The following SLIT3 variants were observed in gnomAD, a reference collection of about 807,000 sequenced individuals.
SLIT3 encodes the protein slit homolog 3 protein.
A neutral mutation model predicts 184.0 loss-of-function variants in SLIT3; 68 were observed. The observed-to-expected ratio is 0.37, with a 90% CI of 0.30 to 0.45. The LOEUF (loss-of-function observed/expected upper bound fraction) is 0.45. Ranked by LOEUF, SLIT3 falls within the 20% of genes least tolerant of loss-of-function variation. The pLI, the probability that SLIT3 is intolerant of heterozygous loss-of-function variation, is 1.00. For missense variants in SLIT3, 1,707 were observed against 2,026.0 expected, an observed-to-expected ratio of 0.84 and a Z score of 3.02; for synonymous variants, 831 against 828.6, an observed-to-expected ratio of 1.00 and a Z score of -0.05.
chr5:168,694,560 GCAGT>G (rs777081520), intron 28 of SLIT3, among the ~76,000 whole-genome samples: 12 of 152,170 alleles, frequency 7.9e-5, no homozygotes, highest in South Asian at 2.1e-4. Context: ...TAACCCCTCA[GCAGT>G]CAGTCAGTCA....
chr5:169,272,081 G>A (rs1349973764), intron 1 of SLIT3, among the ~76,000 whole-genome samples: 6 of 152,242 alleles, frequency 3.9e-5, no homozygotes, highest in African/African-American at 9.6e-5. Flanking sequence ...TGAGCTATAG[G>A]AGGCCCATGG....
intron 23 of SLIT3, chr5:168,720,781 T>C (rs1413266730): frequency 6.6e-6 from 1 of 152,226 alleles, no homozygotes; most frequent in Admixed American, 6.5e-5. Context: ...CCCCAGAGAA[T>C]TGATTTTTAA....
At chr5:169,137,468 C>G (rs1373432232) in intron 4 of SLIT3, among the ~76,000 whole-genome samples, 1 of 151,982 alleles carries the variant, frequency 6.6e-6, no homozygotes, top group Non-Finnish European at 1.5e-5. Flanking sequence ...CCTATCAATG[C>G]AAATCTCTCC....
chr5:169,060,790 A>G (rs1450673656), intron 4 of SLIT3, among the ~76,000 whole-genome samples: 1 of 152,246 alleles, frequency 6.6e-6, no homozygotes, highest in African/African-American at 2.4e-5. Context: ...AGCAGTGTCC[A>G]TACCGGGTCT....
intron 23 of SLIT3, among the ~76,000 whole-genome samples, chr5:168,717,535 T>A (rs2113350385): frequency 6.6e-6 from 1 of 152,292 alleles, no homozygotes; most frequent in African/African-American, 2.4e-5. Context: ...AACAATTGTG[T>A]CTCATTCACT....
chr5:169,100,648 C>A (rs1228738651), intron 4 of SLIT3, among the ~76,000 whole-genome samples: 1 of 152,148 alleles, frequency 6.6e-6, no homozygotes, highest in African/African-American at 2.4e-5. Context: ...TGATCTGTAA[C>A]CTTACTGTAA....
intron 4 of SLIT3, among the ~76,000 whole-genome samples, chr5:168,974,928 T>A (rs1349079393): frequency 6.6e-6 from 1 of 152,194 alleles, no homozygotes; most frequent in Non-Finnish European, 1.5e-5. Flanking sequence ...GTGGTCCTTC[T>A]AGAAACCCTG....
chr5:168,835,733 CT>C (rs1282860882), intron 6 of SLIT3, among the ~76,000 whole-genome samples: 1 of 151,410 alleles, frequency 6.6e-6, no homozygotes, highest in Non-Finnish European at 1.5e-5. Flanking sequence ...GTTGCTTGAA[CT>C]GGGGAGGCGG....
chr5:168,934,014 C>G (rs1762075827), intron 4 of SLIT3, among the ~76,000 whole-genome samples: 1 of 152,172 alleles, frequency 6.6e-6, no homozygotes, highest in African/African-American at 2.4e-5. Flanking sequence ...GACTGAGAGC[C>G]TGCACTCTGC....
intron 4 of SLIT3, among the ~76,000 whole-genome samples, chr5:169,100,461 A>G (rs748161254): frequency 2.0e-5 from 3 of 152,172 alleles, no homozygotes; most frequent in Admixed American, 6.5e-5. Flanking sequence ...GTGGAAGAAA[A>G]TGCTTTGTAA....
chr5:168,787,918 C>T (rs560280794), intron 11 of SLIT3, among the ~76,000 whole-genome samples: 2 of 152,210 alleles, frequency 1.3e-5, no homozygotes, highest in Admixed American at 1.3e-4. Flanking sequence ...CTGCCACACT[C>T]GCAGTGCCTA....
intron 4 of SLIT3, among the ~76,000 whole-genome samples, chr5:168,890,687 TAGA>T (rs1464879851): frequency 4.6e-5 from 7 of 152,202 alleles, no homozygotes; most frequent in African/African-American, 1.7e-4. Context: ...AAAGAAGTGG[TAGA>T]AGAATAGATG....
intron 27 of SLIT3, among the ~76,000 whole-genome samples, chr5:168,699,462 T>C (rs1217364291): frequency 6.6e-6 from 1 of 152,166 alleles, no homozygotes; most frequent in Non-Finnish European, 1.5e-5. Flanking sequence ...TTCCCAACAG[T>C]CTGCTTTGGT....
chr5:169,229,060 C>T (rs570538518), intron 3 of SLIT3, among the ~76,000 whole-genome samples: 5 of 152,148 alleles, frequency 3.3e-5, no homozygotes, highest in Admixed American at 3.3e-4. Context: ...TTGGAGAAGC[C>T]GTGCGCACAC....
intron 4 of SLIT3, among the ~76,000 whole-genome samples, chr5:169,016,343 T>C (rs551630776): frequency 2.6e-5 from 4 of 152,232 alleles, no homozygotes; most frequent in Admixed American, 2.6e-4. Flanking sequence ...AATGCAACAC[T>C]TCTGCTGTAG....
At chr5:169,001,281 G>GA in intron 4 of SLIT3, among the ~76,000 whole-genome samples, 1 of 152,220 alleles carries the variant, frequency 6.6e-6, no homozygotes, top group Middle Eastern at 3.4e-3. Context: ...CTTATCCTGA[G>GA]AAAAATGAAA....
intron 27 of SLIT3, among the ~76,000 whole-genome samples, chr5:168,699,328 A>AT (rs751209903): frequency 6.6e-6 from 1 of 152,202 alleles, no homozygotes; most frequent in African/African-American, 2.4e-5. Flanking sequence ...TGCTTTTGAT[A>AT]TTTAATTGGT....
At chr5:168,850,112 AT>A (rs1185225093) in intron 5 of SLIT3, among the ~76,000 whole-genome samples, 3 of 152,216 alleles carry the variant, frequency 2.0e-5, no homozygotes, top group African/African-American at 7.2e-5. Flanking sequence ...AAGGAAAAAA[AT>A]TATCTTCAAA....
chr5:169,064,004 G>A (rs956988885), intron 4 of SLIT3, among the ~76,000 whole-genome samples: 1 of 152,136 alleles, frequency 6.6e-6, no homozygotes, highest in Non-Finnish European at 1.5e-5. Flanking sequence ...AATCTATACC[G>A]GGAGTAGTTG....
Sources: allele counts gnomAD v4.1 joint callset (sites outside exome capture counted in the v4.1 genomes callset), GRCh38; gene constraint gnomAD v4.1.1; transcripts MANE v1.5; gene names NCBI Gene and HGNC (gene_info 2026-07-23, HGNC 2026-07-21).